PPARGC1A: variants seen among roughly 807,000 people sequenced by gnomAD.
The protein encoded by PPARGC1A is PPARG coactivator 1 alpha.
Under a neutral mutation model 88.7 loss-of-function variants are expected in PPARGC1A, and 25 were observed. That is an observed-to-expected ratio of 0.28 (90% CI 0.21 to 0.39). The LOEUF is 0.39. Ranked by LOEUF, PPARGC1A falls within the 10% of genes least tolerant of loss-of-function variation. PPARGC1A has a pLI of 1.00. For missense variants in PPARGC1A, 880 were observed against 968.7 expected (o/e 0.91, Z 1.22); for synonymous variants, 363 against 355.6 (o/e 1.02, Z -0.24).
At chr4:24,446,072 A>T in the PPARGC1A span, among the ~76,000 whole-genome samples, 1 of 152,170 alleles carries the variant, frequency 6.6e-6, no homozygotes, top group Non-Finnish European at 1.5e-5. Flanking sequence ...TCTCAAAAAA[A>T]TAAAAATAAA....
At chr4:23,918,181 T>C in the PPARGC1A span, among the ~76,000 whole-genome samples, 4 of 152,116 alleles carry the variant, frequency 2.6e-5, no homozygotes, top group African/African-American at 7.2e-5. Context: ...AAGTGCTAGA[T>C]TTGGGGAGGT....
intron 10 of PPARGC1A, among the ~76,000 whole-genome samples, chr4:23,809,162 ATGT>A (rs1720411832): frequency 6.6e-6 from 1 of 152,170 alleles, no homozygotes; most frequent in Admixed American, 6.5e-5. Flanking sequence ...TAGCTCTTCT[ATGT>A]ATGAATTTTC....
intron 10 of PPARGC1A, among the ~76,000 whole-genome samples, chr4:23,809,333 G>A (rs1720438527): frequency 6.6e-6 from 1 of 152,296 alleles, no homozygotes; most frequent in South Asian, 2.1e-4. Flanking sequence ...TCATTAAATA[G>A]TTCCATGATG....
the PPARGC1A span, among the ~76,000 whole-genome samples, chr4:24,143,419 A>C: frequency 6.6e-6 from 1 of 152,200 alleles, no homozygotes; most frequent in Non-Finnish European, 1.5e-5. Flanking sequence ...CCAGTTTAGG[A>C]GACAATGGTA....
the PPARGC1A span, among the ~76,000 whole-genome samples, chr4:24,013,869 G>C: frequency 6.6e-5 from 10 of 152,266 alleles, no homozygotes; most frequent in South Asian, 1.9e-3. Context: ...CTTGGGGAAG[G>C]ACCAAGTTTC....
At chr4:24,123,923 A>C in the PPARGC1A span, among the ~76,000 whole-genome samples, 36 of 145,322 alleles carry the variant, frequency 2.5e-4, no homozygotes, top group East Asian at 5.1e-3. Context: ...AAAAAAAAAA[A>C]AACAAAAAAA....
At chr4:24,173,276 A>G in the PPARGC1A span, among the ~76,000 whole-genome samples, 1 of 151,314 alleles carries the variant, frequency 6.6e-6, no homozygotes. Flanking sequence ...TGAAATATCC[A>G]TATTAAAAAA....
chr4:23,795,727 A>C lies in PPARGC1A; in HGVS notation c.*95T>G, dbSNP rs1717466446. On this transcript the variant is annotated 3_prime_UTR_variant, in exon 13 of 13. Transcript: ENST00000264867. ...TGTACAGAGAGTGTAAAGTAGGAGAAATTCCTAAGTATGACTTGCAATAGT... is the reference window on the plus strand; with the variant it reads ...TGTACAGAGAGTGTAAAGTAGGAGACATTCCTAAGTATGACTTGCAATAGT... The C allele has an allele frequency of 4.3e-6, 4 of 930,262 alleles. No homozygotes were observed. The East Asian group carries it at 1.0e-4, about 23-fold the overall frequency. The allele number at this position is 930,262 out of a possible 1,614,324, so 57.6% of individuals were successfully genotyped here.
At chr4:24,185,032 G>C in the PPARGC1A span, among the ~76,000 whole-genome samples, 2 of 152,128 alleles carry the variant, frequency 1.3e-5, no homozygotes, top group Non-Finnish European at 1.5e-5. Context: ...CAGGTGGAGA[G>C]GCTTAATTAT....
the PPARGC1A span, among the ~76,000 whole-genome samples, chr4:24,317,554 C>CAAAAAAAAA: frequency 2.1e-4 from 3 of 14,286 alleles, no homozygotes; most frequent in Non-Finnish European, 5.8e-4. Context: ...GTTCAGAGGA[C>CAAAAAAAAA]TAAAAAAAAA....
At chr4:24,054,995 A>G in the PPARGC1A span, among the ~76,000 whole-genome samples, 1 of 152,202 alleles carries the variant, frequency 6.6e-6, no homozygotes, top group African/African-American at 2.4e-5. Context: ...CCTGTGAATT[A>G]AGTTCTGTCA....
chr4:24,281,865 C>T, the PPARGC1A span, among the ~76,000 whole-genome samples: 1 of 151,952 alleles, frequency 6.6e-6, no homozygotes, highest in Non-Finnish European at 1.5e-5. Flanking sequence ...AAGGACTTTA[C>T]ATAGAGAAAC....
At chr4:24,357,710 C>T in the PPARGC1A span, among the ~76,000 whole-genome samples, 3 of 152,186 alleles carry the variant, frequency 2.0e-5, no homozygotes, top group Non-Finnish European at 4.4e-5. Context: ...ATCATGGGGG[C>T]AGTTTCCTCC....
At chr4:24,221,661 A>C in the PPARGC1A span, among the ~76,000 whole-genome samples, 1 of 152,184 alleles carries the variant, frequency 6.6e-6, no homozygotes, top group Non-Finnish European at 1.5e-5. Context: ...TAATCTTAGC[A>C]CTTTGGGAGG....
chr4:24,277,544 G>A, the PPARGC1A span, among the ~76,000 whole-genome samples: 3 of 151,610 alleles, frequency 2.0e-5, no homozygotes, highest in East Asian at 1.9e-4. Context: ...GTATATGTAT[G>A]CAACAGAAAC....
At chr4:24,226,028 G>A in the PPARGC1A span, among the ~76,000 whole-genome samples, 62 of 152,084 alleles carry the variant, frequency 4.1e-4, no homozygotes, top group African/African-American at 1.4e-3. Flanking sequence ...AGGATGAGAG[G>A]GAGGCAAGGT....
At chr4:24,398,110 A>G in the PPARGC1A span, among the ~76,000 whole-genome samples, 1 of 152,254 alleles carries the variant, frequency 6.6e-6, no homozygotes, top group Non-Finnish European at 1.5e-5. Flanking sequence ...AAATAAATCC[A>G]ACTTTATAAG....
chr4:24,136,222 G>A, the PPARGC1A span, among the ~76,000 whole-genome samples: 1 of 152,086 alleles, frequency 6.6e-6, no homozygotes, highest in African/African-American at 2.4e-5. Context: ...TAGTCAACTG[G>A]GTCAATGAGG....
the PPARGC1A span, among the ~76,000 whole-genome samples, chr4:24,464,441 T>C: frequency 3.9e-5 from 6 of 152,322 alleles, no homozygotes; most frequent in African/African-American, 7.2e-5. Context: ...TCATAATCAC[T>C]CATTGTTAAC....
Sources: gnomAD v4.1 joint callset for allele counts (sites outside exome capture counted in the v4.1 genomes callset) on GRCh38, gnomAD v4.1.1 for gene constraint, MANE v1.5 for transcripts, NCBI Gene and HGNC (gene_info 2026-07-23, HGNC 2026-07-21) for gene names.